The following CCDC158 variants were observed in gnomAD, a reference collection of about 807,000 sequenced individuals.
The protein encoded by CCDC158 is coiled-coil domain containing 158.
Under a neutral mutation model 138.6 loss-of-function variants are expected in CCDC158, and 116 were observed. The observed-to-expected ratio is 0.84, with a 90% CI of 0.72 to 0.98. The LOEUF (loss-of-function observed/expected upper bound fraction) is 0.98, where lower values mean the gene tolerates loss of function less well. Among genes scored for constraint, CCDC158 ranks in the 50% least tolerant of loss-of-function variants. CCDC158 has a pLI of 0.00. For missense variants in CCDC158, 1,265 were observed against 1,306.1 expected (o/e 0.97, Z 0.48); for synonymous variants, 436 against 442.4 (o/e 0.99, Z 0.18).
At chr4:76,374,890 A>G (rs1725573806) in intron 9 of CCDC158, among the ~76,000 whole-genome samples, 1 of 152,098 alleles carries the variant, frequency 6.6e-6, no homozygotes, top group South Asian at 2.1e-4. Flanking sequence ...AAAAGAAACG[A>G]GCCAAGTCTT....
chr4:76,384,935 G>A (rs1438921557), intron 4 of CCDC158, among the ~76,000 whole-genome samples: 1 of 152,066 alleles, frequency 6.6e-6, no homozygotes, highest in Non-Finnish European at 1.5e-5. Context: ...AGCTCAACAT[G>A]GAGATAGAAA....
chr4:76,338,169 G>C (rs577401650), intron 18 of CCDC158, among the ~76,000 whole-genome samples: 123 of 152,326 alleles, frequency 8.1e-4, no homozygotes, highest in African/African-American at 2.8e-3. Context: ...ATCTGAGGTG[G>C]AGCTAAGGCA....
intron 24 of CCDC158, among the ~76,000 whole-genome samples, chr4:76,315,230 T>C (rs13146228): frequency 0.62 from 93,639 of 151,972 alleles, 29,244 homozygotes; most frequent in East Asian, 0.78. Context: ...CCAAGAACCA[T>C]CCTGCGTACC....
rs1404766270 is a variant in CCDC158, at chr4:76,362,243, C to T, written c.1903G>A (p.Val635Met). The change falls in exon 13 of 25, where the codon GTG becomes ATG. Residue 635 changes from valine (V) to methionine (M), a missense_variant. Physicochemically the swap from Val to Met is conservative, Grantham distance 21. Transcript: ENST00000682701. ...TCAGAGCCTGCATTCACCAGCTTCACCTTTTCCAGCTCCAAGTCACTCACT... is the reference window on the plus strand; with the variant it reads ...TCAGAGCCTGCATTCACCAGCTTCATCTTTTCCAGCTCCAAGTCACTCACT... ...ARVSDLELEK[V>M]KLVNAGSERL... 5 of 1,614,058 alleles carry T rather than the reference C, an allele frequency of 3.1e-6. No homozygotes were observed. The highest frequency in any genetic ancestry group is 1.3e-5 in the African/African-American group (1 of 74,928).
At chr4:76,378,223 A>C (rs1725895404) in intron 9 of CCDC158, among the ~76,000 whole-genome samples, 1 of 152,174 alleles carries the variant, frequency 6.6e-6, no homozygotes, top group African/African-American at 2.4e-5. Context: ...CGGTAATTAA[A>C]ATGGGGTGCC....
intron 18 of CCDC158, among the ~76,000 whole-genome samples, chr4:76,339,251 A>G (rs1441692840): frequency 6.6e-6 from 1 of 152,122 alleles, no homozygotes; most frequent in East Asian, 1.9e-4. Flanking sequence ...CATCATTCTT[A>G]GTGGCTAACT....
At chr4:76,412,969 T>C (rs1729408647) in intron 1 of CCDC158, among the ~76,000 whole-genome samples, 1 of 152,186 alleles carries the variant, frequency 6.6e-6, no homozygotes, top group East Asian at 1.9e-4. Flanking sequence ...CTGACTTAAA[T>C]AGACCAGCTA....
At chr4:76,331,510 G>A (rs1450431447) in intron 20 of CCDC158, 107 bp from the exon 21 acceptor site, 9 of 847,608 alleles carry the variant, frequency 1.1e-5, no homozygotes, top group African/African-American at 3.3e-5. Flanking sequence ...AGGGTGAAAT[G>A]GTATCATCTG....
At chr4:76,418,805 G>C (rs929376943) in intron 1 of CCDC158, among the ~76,000 whole-genome samples, 1 of 152,120 alleles carries the variant, frequency 6.6e-6, no homozygotes, top group African/African-American at 2.4e-5. Flanking sequence ...ATTTGGGTGG[G>C]GATACAGCCA....
intron 18 of CCDC158, among the ~76,000 whole-genome samples, chr4:76,342,498 G>T (rs1473189582): frequency 6.6e-6 from 1 of 152,122 alleles, no homozygotes; most frequent in Non-Finnish European, 1.5e-5. Context: ...ACTGTGCCTG[G>T]CAAAGGAGTT....
At chr4:76,410,725 A>C (rs1272468226) in intron 2 of CCDC158, among the ~76,000 whole-genome samples, 1 of 152,212 alleles carries the variant, frequency 6.6e-6, no homozygotes, top group African/African-American at 2.4e-5. Context: ...GGCTGGTACA[A>C]TCTCAGAAAC....
chr4:76,338,708 G>A (rs1205205889), intron 18 of CCDC158, among the ~76,000 whole-genome samples: 1 of 152,148 alleles, frequency 6.6e-6, no homozygotes, highest in Non-Finnish European at 1.5e-5. Flanking sequence ...TGGTGGCAGG[G>A]TTTAAGTCAG....
intron 21 of CCDC158, among the ~76,000 whole-genome samples, chr4:76,329,408 C>A (rs1720819605): frequency 6.6e-6 from 1 of 152,032 alleles, no homozygotes; most frequent in South Asian, 2.1e-4. Context: ...CATGGTGAAA[C>A]CCCGTCTCTA....
intron 4 of CCDC158, among the ~76,000 whole-genome samples, chr4:76,387,302 A>G (rs1348070167): frequency 6.6e-6 from 1 of 152,152 alleles, no homozygotes; most frequent in Non-Finnish European, 1.5e-5. Context: ...CCTCCCAGAC[A>G]ATAATTCAAG....
intron 12 of CCDC158, among the ~76,000 whole-genome samples, chr4:76,363,774 G>A (rs1724385292): frequency 6.6e-6 from 1 of 152,140 alleles, no homozygotes; most frequent in African/African-American, 2.4e-5. Context: ...CATTGTGAGT[G>A]AGTCAGGAAG....
chr4:76,342,856 G>C (rs1722186079), intron 18 of CCDC158, among the ~76,000 whole-genome samples: 1 of 152,196 alleles, frequency 6.6e-6, no homozygotes, highest in Non-Finnish European at 1.5e-5. Context: ...AGTATTCCAG[G>C]AAGGCTCACG....
chr4:76,379,519 G>T, intron 8 of CCDC158, 115 bp from the exon 9 acceptor site: 1 of 496,086 alleles, frequency 2.0e-6, no homozygotes, highest in Non-Finnish European at 3.4e-6. Flanking sequence ...GCATTATTAA[G>T]CCAATAGTCT....
At position 76,367,920 on chromosome 4, in the gene CCDC158, G is replaced by A. The variant is rs1275339690; in HGVS notation, c.1348-144C>T. 5 of 772,340 alleles carry A rather than the reference G, an allele frequency of 6.5e-6. No homozygotes were observed. The East Asian group carries it at 1.1e-4, about 17-fold the overall frequency. The allele number at this position is 772,340 out of a possible 1,614,324, so 47.8% of individuals were successfully genotyped here. On this transcript the variant is annotated intron_variant, in intron 11 of 24. Transcript: ENST00000682701. The stretch of plus-strand genomic sequence containing the variant: ...TTTTTTTTTTTTTTTAAGAGATGGG[G>A]GTCTCACTGTGTTCCCTAGGTTGGT...
intron 1 of CCDC158, among the ~76,000 whole-genome samples, chr4:76,416,913 C>T (rs183605082): frequency 1.3e-5 from 2 of 152,320 alleles, no homozygotes; most frequent in African/African-American, 4.8e-5. Flanking sequence ...CTACTGGGCA[C>T]TGCCTAATGG....
Sources: gnomAD v4.1 joint callset for allele counts (sites outside exome capture counted in the v4.1 genomes callset) on GRCh38, gnomAD v4.1.1 for gene constraint, MANE v1.5 for transcripts, NCBI Gene and HGNC (gene_info 2026-07-23, HGNC 2026-07-21) for gene names.